The following HIPK2 variants were observed in gnomAD, a reference collection of about 807,000 sequenced individuals.
The protein encoded by HIPK2 is homeodomain-interacting protein kinase 2.
Under a neutral mutation model 113.7 loss-of-function variants are expected in HIPK2, and 27 were observed. That is an observed-to-expected ratio of 0.24 (90% CI 0.17 to 0.33). The LOEUF (loss-of-function observed/expected upper bound fraction) is 0.33, where lower values mean the gene tolerates loss of function less well. Ranked by LOEUF, HIPK2 falls within the 10% of genes least tolerant of loss-of-function variation. The pLI is 1.00. For synonymous variants in HIPK2, 631 were observed against 642.2 expected, an observed-to-expected ratio of 0.98 and a Z score of 0.26; for missense variants, 1,257 against 1,588.0, an observed-to-expected ratio of 0.79 and a Z score of 3.54.
At chr7:139,618,325 C>T (rs938237008) in intron 7 of HIPK2, among the ~76,000 whole-genome samples, 2 of 151,938 alleles carry the variant, frequency 1.3e-5, no homozygotes, top group Non-Finnish European at 2.9e-5. Context: ...TAGGTGTGTC[C>T]TGAGTAATTT....
chr7:139,755,746 G>A (rs1316207791), intron 1 of HIPK2, among the ~76,000 whole-genome samples: 3 of 152,202 alleles, frequency 2.0e-5, no homozygotes, highest in East Asian at 1.9e-4. Context: ...CAGAGAAATC[G>A]CAGGCCCCAT....
chr7:139,653,889 C>T (rs1175496346), intron 2 of HIPK2, among the ~76,000 whole-genome samples: 4 of 152,002 alleles, frequency 2.6e-5, no homozygotes, highest in Admixed American at 1.3e-4. Context: ...CCTGCCACCA[C>T]GCCCGGCTAA....
At chr7:139,623,496 C>A (rs1356555121) in intron 6 of HIPK2, among the ~76,000 whole-genome samples, 2 of 120,720 alleles carry the variant, frequency 1.7e-5, no homozygotes, top group African/African-American at 6.4e-5. Context: ...CCAACCTGTG[C>A]AACAGAGTGA....
At chr7:139,582,562 C>T (rs1798702904) in intron 13 of HIPK2, among the ~76,000 whole-genome samples, 1 of 152,236 alleles carries the variant, frequency 6.6e-6, no homozygotes, top group African/African-American at 2.4e-5. Flanking sequence ...TGAGAAGCTG[C>T]ATTTCACAAG....
At chr7:139,610,166 G>A (rs1254667931) in intron 9 of HIPK2, among the ~76,000 whole-genome samples, 1 of 152,188 alleles carries the variant, frequency 6.6e-6, no homozygotes, top group Non-Finnish European at 1.5e-5. Context: ...GAGTCTACTG[G>A]TTCCACCAAA....
chr7:139,767,078 T>A (rs550121776), intron 1 of HIPK2, among the ~76,000 whole-genome samples: 1 of 152,342 alleles, frequency 6.6e-6, no homozygotes, highest in South Asian at 2.1e-4. Context: ...CCTGACTCTC[T>A]CACATCCAAG....
intron 1 of HIPK2, among the ~76,000 whole-genome samples, chr7:139,748,452 C>T (rs1569484489): frequency 6.6e-6 from 1 of 151,750 alleles, no homozygotes; most frequent in Non-Finnish European, 1.5e-5. Context: ...ACGGTGTCGA[C>T]AGGGCCGGCT....
chr7:139,677,405 T>C lies in HIPK2; in HGVS notation c.1103+38527A>G, dbSNP rs796632370. Among the ~76,000 whole-genome samples, 44 of 152,130 alleles carry C rather than the reference T, an allele frequency of 2.9e-4. 1 individual carries two copies. The highest frequency in any genetic ancestry group is 8.9e-4 in the African/African-American group (37 of 41,516). On this transcript the variant is annotated intron_variant, in intron 2 of 14. Coordinates refer to ENST00000406875, the MANE Select transcript of HIPK2 (RefSeq NM_022740.5). ...TGCTACTATAAAACAACACCCAACA[T>C]TGGGTAATTTATAAAGTTTATTTCT... is the stretch of plus-strand genomic sequence containing the variant.
chr7:139,750,826 A>C (rs1689276401), intron 1 of HIPK2, among the ~76,000 whole-genome samples: 1 of 152,176 alleles, frequency 6.6e-6, no homozygotes. Context: ...TTTAGTTGAA[A>C]AGAACTAAAA....
chr7:139,722,265 C>T (rs754739491), intron 1 of HIPK2, among the ~76,000 whole-genome samples: 1 of 152,102 alleles, frequency 6.6e-6, no homozygotes, highest in African/African-American at 2.4e-5. Flanking sequence ...AAAATATATG[C>T]TATAGTTAGA....
intron 11 of HIPK2, among the ~76,000 whole-genome samples, chr7:139,598,837 G>A (rs1316543045): frequency 6.6e-6 from 1 of 152,236 alleles, no homozygotes; most frequent in Non-Finnish European, 1.5e-5. Flanking sequence ...CAGCCCATGA[G>A]GATTGAGACA....
At chr7:139,622,463 C>T (rs1413264408) in intron 6 of HIPK2, among the ~76,000 whole-genome samples, 1 of 152,170 alleles carries the variant, frequency 6.6e-6, no homozygotes, top group Non-Finnish European at 1.5e-5. Flanking sequence ...CGTGACAATT[C>T]AACACAAAAT....
In HIPK2 at chr7:139,614,347, C is replaced by A; in HGVS notation, c.1929G>T (p.Gln643His). 2.5e-6 allele frequency: 4 copies of A among 1,579,250 alleles called. No homozygotes were observed. Among genetic ancestry groups the A allele is most frequent in the Non-Finnish European group, 3.5e-6 (4 of 1,157,440 alleles). ...RSMPLQTGTA[Q>H]ICARPDPFQQ... ...GGAACGGGTCAGGCCGGGCACAAAT[C>A]TGGGCTGTTCCTGTCTGCAGGGGCA... The change falls in exon 8 of 15, where the codon CAG becomes CAT. Residue 643 changes from glutamine to histidine, a missense_variant. By Grantham distance (24) the Gln-to-His change is conservative. Coordinates refer to ENST00000406875, the MANE Select transcript of HIPK2 (RefSeq NM_022740.5).
intron 12 of HIPK2, among the ~76,000 whole-genome samples, chr7:139,596,000 A>T (rs1162314943): frequency 6.6e-6 from 1 of 151,994 alleles, no homozygotes; most frequent in Non-Finnish European, 1.5e-5. Context: ...ACAAGGCCAC[A>T]CTCTAGGGAT....
intron 12 of HIPK2, among the ~76,000 whole-genome samples, chr7:139,584,415 G>A (rs764447555): frequency 6.6e-5 from 10 of 152,212 alleles, no homozygotes; most frequent in Non-Finnish European, 1.2e-4. Context: ...CAACCCCCGT[G>A]GGCCTGCCAG....
chr7:139,625,241 C>A (rs771365959), intron 6 of HIPK2, among the ~76,000 whole-genome samples: 2 of 152,198 alleles, frequency 1.3e-5, no homozygotes, highest in Non-Finnish European at 2.9e-5. Context: ...TGAAAGGTTG[C>A]TATTTCTTCA....
chr7:139,642,811 G>A (rs1485677422), intron 2 of HIPK2, among the ~76,000 whole-genome samples: 10 of 152,308 alleles, frequency 6.6e-5, no homozygotes, highest in Admixed American at 5.2e-4. Context: ...TGGCTTCCAC[G>A]GAGCCATCCT....
At chr7:139,584,190 C>T in intron 12 of HIPK2, 126 bp from the exon 13 acceptor site, 6 of 1,301,076 alleles carry the variant, frequency 4.6e-6, no homozygotes, top group Non-Finnish European at 6.3e-6. Context: ...GGCTTTTGCC[C>T]TCCCTAACCC....
chr7:139,659,022 T>C (rs148102091), intron 2 of HIPK2, among the ~76,000 whole-genome samples: 1 of 152,262 alleles, frequency 6.6e-6, no homozygotes, highest in African/African-American at 2.4e-5. Flanking sequence ...TGGGGAAGGC[T>C]AAACACTGAC....
Sources: gnomAD v4.1 joint callset for allele counts (sites outside exome capture counted in the v4.1 genomes callset) on GRCh38, gnomAD v4.1.1 for gene constraint, MANE v1.5 for transcripts, NCBI Gene and HGNC (gene_info 2026-07-23, HGNC 2026-07-21) for gene names.